Variants in ARHGEF2 observed in about 807,000 individuals in gnomAD.
ARHGEF2 encodes rho guanine nucleotide exchange factor 2.
Under a neutral mutation model 121.0 loss-of-function variants are expected in ARHGEF2, and 22 were observed. The observed-to-expected ratio is 0.18, with a 90% CI of 0.13 to 0.26. The LOEUF is 0.26. Among genes scored for constraint, ARHGEF2 ranks in the 10% least tolerant of loss-of-function variants. The pLI, the probability that ARHGEF2 is intolerant of heterozygous loss-of-function variation, is 1.00. For synonymous variants in ARHGEF2, 487 were observed against 530.0 expected, an observed-to-expected ratio of 0.92 and a Z score of 1.11; for missense variants, 907 against 1,336.0, an observed-to-expected ratio of 0.68 and a Z score of 5.01.
rs772953568 is a variant in ARHGEF2 at position 155,948,827 on chromosome 1, C to T, written c.2888-812G>A. ...TCTGGGTCTCCGGGTCTCTTTCTGT[C>T]GCCCAGGCTGGAGCAATCACGGAGT... On this transcript the variant is annotated intron_variant, in intron 21 of 21. Transcript: ENST00000361247. Among the ~76,000 whole-genome samples the T allele has an allele frequency of 1.1e-4, 16 of 152,126 alleles. 1 individual carries two copies. The highest frequency in any genetic ancestry group is 2.4e-4 in the African/African-American group (10 of 41,418).
At chr1:155,966,739 A>G (rs1679459390) in intron 3 of ARHGEF2, 81 bp downstream of exon 3, 1 of 1,399,312 alleles carries the variant, frequency 7.1e-7, no homozygotes, top group Non-Finnish European at 1.0e-6. Flanking sequence ...AACACAGGGT[A>G]GGGAATGAAT....
intron 14 of ARHGEF2, 80 bp from the exon 15 acceptor site, chr1:155,952,908 A>AG: frequency 7.2e-7 from 1 of 1,379,752 alleles, no homozygotes; most frequent in Non-Finnish European, 1.0e-6. Context: ...CCTAGGGGAG[A>AG]GGGGTAGGGT....
In ARHGEF2 at chr1:155,963,033, C is replaced by T. The variant is rs139042491; in HGVS notation, c.875G>A (p.Arg292His). ...GCGTTCTAATAGCTGGCTGAGGAAG[C>T]GTGTATGGATGTCACTGAGCTCGTC... ...CVDELSDIHT[R>H]FLSQLLERRR... The change falls in exon 8 of 22, where the codon CGC becomes CAC. Residue 292 changes from arginine to histidine, a missense_variant. Transcript: ENST00000361247. 9.9e-6 allele frequency: 16 copies of T among 1,613,994 alleles called. No homozygotes were observed. The highest frequency in any genetic ancestry group is 1.7e-5 in the Admixed American group (1 of 59,978).
chr1:155,975,209 T>C (rs534514299), intron 1 of ARHGEF2, among the ~76,000 whole-genome samples: 1 of 152,236 alleles, frequency 6.6e-6, no homozygotes, highest in Non-Finnish European at 1.5e-5. Flanking sequence ...GCCCAGAGCA[T>C]CTGGGTACAG....
chr1:155,964,909 A>AAT, intron 7 of ARHGEF2, 79 bp downstream of exon 7: 2 of 1,425,266 alleles, frequency 1.4e-6, no homozygotes, highest in Non-Finnish European at 1.9e-6. Flanking sequence ...AAAAAAAAAA[A>AAT]GAAAAAGAAA....
chr1:155,953,364 TC>T (rs1675919538), intron 14 of ARHGEF2, among the ~76,000 whole-genome samples: 1 of 152,128 alleles, frequency 6.6e-6, no homozygotes, highest in South Asian at 2.1e-4. Context: ...AGAAGTTTCA[TC>T]TGGGCACACA....
Position 155,965,874 on chromosome 1 carries a change from C to A in ARHGEF2, c.341-114G>T. 1 of 1,293,032 alleles carries A rather than the reference C, an allele frequency of 7.7e-7. No individual in the cohort carries two copies. Among genetic ancestry groups the A allele is most frequent in the East Asian group, 2.6e-5 (1 of 38,218 alleles). The allele number at this position is 1,293,032 out of a possible 1,614,324, so 80.1% of individuals were successfully genotyped here. A position where few individuals can be genotyped will look rare whatever the true frequency, so the allele number is the denominator to read the frequency against. Reference sequence around the variant, plus strand: ...GCATCCTCTCACTCCACCTCAGCCCCTCTAGTCAAGAAAGATGGTAATGAG... The same window carrying A: ...GCATCCTCTCACTCCACCTCAGCCCATCTAGTCAAGAAAGATGGTAATGAG... On this transcript the variant is annotated intron_variant, in intron 4 of 21. Coordinates refer to ENST00000361247, the MANE Select transcript of ARHGEF2 (RefSeq NM_001162383.2). The surrounding 1 kb of genome is among the most constrained non-coding windows in gnomAD (Gnocchi z 6.0).
At chr1:155,967,009 G>T in intron 2 of ARHGEF2, 122 bp from the exon 3 acceptor site, 3 of 892,134 alleles carry the variant, frequency 3.4e-6, no homozygotes, top group Non-Finnish European at 5.4e-6. Flanking sequence ...CCCCTTCCCC[G>T]ACTTCTGGGC....
intron 13 of ARHGEF2, 41 bp from the exon 14 acceptor site, chr1:155,955,010 C>A: frequency 6.4e-7 from 1 of 1,568,674 alleles, no homozygotes; most frequent in Non-Finnish European, 8.7e-7. Context: ...GAGACAGAAG[C>A]TAGGTTATAG....
At chr1:155,960,774 C>T in intron 11 of ARHGEF2, among the ~76,000 whole-genome samples, 1 of 152,176 alleles carries the variant, frequency 6.6e-6, no homozygotes, top group East Asian at 1.9e-4. Flanking sequence ...ATCACAGTTT[C>T]CTATTGTCCC....
chr1:155,950,871 G>T lies in ARHGEF2; in HGVS notation c.2661C>A (p.Leu887=). The stretch of plus-strand genomic sequence containing the variant: ...TCAAGTACAGGGCATCGCCTGCGGG[G>T]AGGCTGCGCCGCCGAGGATCCACAG... ...RRPVDPRRRS[L]PAGDALYLSF... Residue 887 remains leucine, a synonymous_variant, in exon 20 of 22, where the codon CTC becomes CTA. Coordinates refer to ENST00000361247, the MANE Select transcript of ARHGEF2 (RefSeq NM_001162383.2). This position sits in a 1 kb window ranked among gnomAD's most constrained non-coding sequence, Gnocchi z 5.2. 6.5e-7 allele frequency: 1 copy of T among 1,550,252 alleles called. No homozygotes were observed. The highest frequency in any genetic ancestry group is 8.7e-7 in the Non-Finnish European group (1 of 1,149,550).
upstream of ARHGEF2, chr1:155,979,128 T>G (rs1031491868): frequency 1.0e-6 from 1 of 985,310 alleles, no homozygotes; most frequent in Non-Finnish European, 1.2e-6. Context: ...TAGGATTCAC[T>G]CCCAGAGGTC....
At position 155,962,481 on chromosome 1, in the gene ARHGEF2, A is replaced by C; in HGVS notation, c.1101+112T>G. 1 of 1,464,368 alleles carries C rather than the reference A, an allele frequency of 6.8e-7. No individual in the cohort carries two copies. The highest frequency in any genetic ancestry group is 9.4e-7 in the Non-Finnish European group (1 of 1,068,530). The allele number at this position is 1,464,368 out of a possible 1,614,324, so 90.7% of individuals were successfully genotyped here. On this transcript the variant is annotated intron_variant, in intron 9 of 21. Coordinates refer to ENST00000361247, the MANE Select transcript of ARHGEF2 (RefSeq NM_001162383.2). The surrounding 1 kb of genome is among the most constrained non-coding windows in gnomAD (Gnocchi z 5.8). ...CAGGATCTGTGTATGGATGGTCTGC[A>C]CGGGTGGCGAATGCCTGACCTCCAT...
intron 13 of ARHGEF2, 99 bp from the exon 14 acceptor site, chr1:155,955,068 C>A (rs149957933): frequency 4.5e-4 from 433 of 962,060 alleles, no homozygotes; most frequent in Non-Finnish European, 6.3e-4. Flanking sequence ...ATGCTTCCAT[C>A]TTCTGATAAG....
chr1:155,957,823 C>T lies in ARHGEF2; in HGVS notation c.1605G>A (p.Glu535=). 6.2e-7 allele frequency: 1 copy of T among 1,614,236 alleles called. No individual in the cohort carries two copies. Among genetic ancestry groups the T allele is most frequent in the Non-Finnish European group, 8.5e-7 (1 of 1,180,044 alleles). Residue 535 remains glutamate (E), a synonymous_variant, in exon 13 of 22, where the codon GAG becomes GAA. Transcript: ENST00000361247. Reference sequence around the variant, plus strand: ...CTGCGCTGATCAGAAACATCCCTTTCTCCTGGTTGGCAATGTCTCGTACGA... The same window carrying T: ...CTGCGCTGATCAGAAACATCCCTTTTTCCTGGTTGGCAATGTCTCGTACGA... ...NLIVRDIANQ[E]KGMFLISAAP... is the part of the protein sequence containing the mutation.
At chr1:155,969,009 G>A (rs1364505837) in intron 2 of ARHGEF2, 147 bp downstream of exon 2, 3 of 939,492 alleles carry the variant, frequency 3.2e-6, no homozygotes, top group African/African-American at 1.7e-5. Context: ...AGGGAGCAAG[G>A]GATCAAGCAA....
At chr1:155,948,105 CAG>C (rs1467712187) in intron 21 of ARHGEF2, 90 bp from the exon 22 acceptor site, 1 of 1,035,976 alleles carries the variant, frequency 9.7e-7, no homozygotes, top group Non-Finnish European at 1.4e-6. Context: ...TCTGCAGGCT[CAG>C]GGGGCTCTGG....
rs1239275455 is a variant in ARHGEF2, at chr1:155,951,468, C to G, written c.2259+15G>C. 6.2e-7 allele frequency: 1 copy of G among 1,614,012 alleles called. No individual in the cohort carries two copies. The highest frequency in any genetic ancestry group is 2.2e-5 in the East Asian group (1 of 44,890). On this transcript the variant is annotated intron_variant, in intron 19 of 21. Coordinates refer to ENST00000361247, the MANE Select transcript of ARHGEF2 (RefSeq NM_001162383.2). The surrounding 1 kb of genome is among the most constrained non-coding windows in gnomAD (Gnocchi z 5.1). Reference sequence around the variant, plus strand: ...GGCTCCTCCCCTTCCCCATTCAAGCCCTTGTCCTACTGACCTGTAGGCCAT... The same window carrying G: ...GGCTCCTCCCCTTCCCCATTCAAGCGCTTGTCCTACTGACCTGTAGGCCAT...
intron 21 of ARHGEF2, among the ~76,000 whole-genome samples, chr1:155,949,591 A>C (rs1344523611): frequency 6.6e-6 from 1 of 151,906 alleles, no homozygotes; most frequent in Non-Finnish European, 1.5e-5. Flanking sequence ...AAAAAAAAAA[A>C]AATTTAGCCA....
Sources: allele counts gnomAD v4.1 joint callset (sites outside exome capture counted in the v4.1 genomes callset), GRCh38; gene constraint gnomAD v4.1.1; non-coding constraint Gnocchi (gnomAD v3.1); transcripts MANE v1.5; gene names NCBI Gene and HGNC (gene_info 2026-07-23, HGNC 2026-07-21).